Variants in EEIG2 observed in about 807,000 individuals in gnomAD.
The protein encoded by EEIG2 is family with sequence similarity 102 member B.
At chr1:108,580,413 C>A in the EEIG2 span, among the ~76,000 whole-genome samples, 9 of 152,240 alleles carry the variant, frequency 5.9e-5, no homozygotes, top group East Asian at 1.5e-3. Flanking sequence ...GGAAGAGTTG[C>A]ACTTCTCTCA....
the EEIG2 span, among the ~76,000 whole-genome samples, chr1:108,581,616 G>A: frequency 6.6e-6 from 1 of 152,182 alleles, no homozygotes; most frequent in South Asian, 2.1e-4. Context: ...ACTGGCTGCA[G>A]ATGCGGTGAA....
the EEIG2 span, among the ~76,000 whole-genome samples, chr1:108,596,734 T>C: frequency 1.9e-4 from 29 of 152,064 alleles, no homozygotes; most frequent in African/African-American, 7.0e-4. Context: ...TTGCTATTTT[T>C]CTGTTTTTTT....
At chr1:108,628,353 G>A in the EEIG2 span, 1 of 1,611,776 alleles carries the variant, frequency 6.2e-7, no homozygotes, top group Non-Finnish European at 8.5e-7. Context: ...ATTGCAGAGT[G>A]TTTGATATGA....
the EEIG2 span, among the ~76,000 whole-genome samples, chr1:108,634,858 G>A: frequency 6.6e-6 from 1 of 152,200 alleles, no homozygotes; most frequent in African/African-American, 2.4e-5. Flanking sequence ...GATAGGTCAA[G>A]AATTGGGGAA....
chr1:108,639,044 C>T, the EEIG2 span: 1 of 152,128 alleles, frequency 6.6e-6, no homozygotes, highest in Admixed American at 6.5e-5. Flanking sequence ...TTGAGGTTCC[C>T]CTTCCTCTCA....
the EEIG2 span, among the ~76,000 whole-genome samples, chr1:108,599,781 C>T: frequency 3.9e-5 from 6 of 152,332 alleles, no homozygotes; most frequent in Non-Finnish European, 5.9e-5. Flanking sequence ...TACCTGAGGT[C>T]AGGAGTTCAA....
At chr1:108,600,801 T>G in the EEIG2 span, 1 of 1,010,104 alleles carries the variant, frequency 9.9e-7, no homozygotes, top group Non-Finnish European at 1.4e-6. Flanking sequence ...TATATGCAGT[T>G]TCACTTCATG....
the EEIG2 span, among the ~76,000 whole-genome samples, chr1:108,582,972 A>ACC: frequency 0.054 from 8,137 of 150,770 alleles, 320 homozygotes; most frequent in East Asian, 0.16. Flanking sequence ...TATGATTTGA[A>ACC]CCCCCCACAC....
chr1:108,631,089 AT>A, the EEIG2 span: 1 of 376,714 alleles, frequency 2.7e-6, no homozygotes, highest in South Asian at 1.9e-5. Context: ...GTGAAAAAGG[AT>A]TTACAGAAGA....
At chr1:108,607,961 C>G in the EEIG2 span, among the ~76,000 whole-genome samples, 1 of 152,142 alleles carries the variant, frequency 6.6e-6, no homozygotes, top group Non-Finnish European at 1.5e-5. Context: ...CATATCGTTC[C>G]CCCATTTTTA....
chr1:108,608,098 C>T, the EEIG2 span, among the ~76,000 whole-genome samples: 13,271 of 152,232 alleles, frequency 0.087, 672 homozygotes, highest in Middle Eastern at 0.2. Context: ...AGTAAACACT[C>T]ATACATTCAT....
the EEIG2 span, among the ~76,000 whole-genome samples, chr1:108,567,358 A>G: frequency 6.6e-6 from 1 of 152,146 alleles, no homozygotes; most frequent in African/African-American, 2.4e-5. Context: ...CGTCATTACC[A>G]TTATTAGTGC....
At chr1:108,612,748 A>G in the EEIG2 span, among the ~76,000 whole-genome samples, 2 of 152,236 alleles carry the variant, frequency 1.3e-5, no homozygotes, top group African/African-American at 2.4e-5. Context: ...ATCAGGAGCT[A>G]TGTGCTCTAG....
chr1:108,586,827 G>A, the EEIG2 span, among the ~76,000 whole-genome samples: 41 of 152,248 alleles, frequency 2.7e-4, no homozygotes, highest in Admixed American at 1.1e-3. Context: ...TGAAGAAACT[G>A]TTTACAACTA....
the EEIG2 span, chr1:108,600,494 A>G: frequency 1.3e-6 from 2 of 1,532,010 alleles, no homozygotes; most frequent in African/African-American, 2.7e-5. Flanking sequence ...GACTTGAGTG[A>G]AAGTATGGGT....
the EEIG2 span, among the ~76,000 whole-genome samples, chr1:108,609,243 C>A: frequency 6.6e-6 from 1 of 152,160 alleles, no homozygotes; most frequent in Non-Finnish European, 1.5e-5. Context: ...GTTCTTGGTA[C>A]TATTCTAAGT....
the EEIG2 span, chr1:108,560,636 C>A: frequency 6.5e-7 from 1 of 1,537,706 alleles, no homozygotes; most frequent in South Asian, 1.2e-5. Flanking sequence ...AGCATCTCTC[C>A]TTGGCCCATT....
the EEIG2 span, among the ~76,000 whole-genome samples, chr1:108,579,772 T>TGTGTGTGAGAGAGAGAGAGAGAGA: frequency 1.0e-4 from 6 of 58,868 alleles, no homozygotes; most frequent in African/African-American, 2.6e-4. Flanking sequence ...TGTGTGTGTG[T>TGTGTGTGAGAGAGAGAGAGAGAGA]GAGAGAGAGA....
At chr1:108,566,696 T>TA in the EEIG2 span, among the ~76,000 whole-genome samples, 414 of 144,562 alleles carry the variant, frequency 2.9e-3, 1 homozygote, top group African/African-American at 8.7e-3. Flanking sequence ...TTCGGCCTTT[T>TA]AAAAAAAAAA....
Sources: allele counts gnomAD v4.1 joint callset (sites outside exome capture counted in the v4.1 genomes callset), GRCh38; gene constraint gnomAD v4.1.1; transcripts MANE v1.5; gene names NCBI Gene and HGNC (gene_info 2026-07-23, HGNC 2026-07-21).